The following RALB variants were observed in gnomAD, a reference collection of about 807,000 sequenced individuals.
The protein encoded by RALB is ras-related protein Ral-B.
In RALB, 16 loss-of-function variants were observed where a neutral mutation model predicts 21.3. The observed-to-expected ratio is 0.75, with a 90% confidence interval of 0.51 to 1.14. RALB has a LOEUF of 1.14. Ranked by LOEUF, RALB falls within the 50% of genes most tolerant of loss-of-function variation. RALB has a pLI of 0.00. For missense variants in RALB, 161 were observed against 256.2 expected (o/e 0.63, Z 2.54); for synonymous variants, 93 against 96.1 (o/e 0.97, Z 0.19).
intron 4 of RALB, among the ~76,000 whole-genome samples, chr2:120,290,873 T>C (rs1297451283): frequency 2.0e-5 from 3 of 152,230 alleles, no homozygotes; most frequent in Non-Finnish European, 4.4e-5. Flanking sequence ...CCTCATTCAC[T>C]AGCTCTCACT....
chr2:120,285,526 A>G (rs1378005734), intron 2 of RALB, among the ~76,000 whole-genome samples: 1 of 152,150 alleles, frequency 6.6e-6, no homozygotes. Context: ...ATGTGTAACA[A>G]ACCTGCACAT....
Position 120,285,908 on chromosome 2 carries a change from G to A in RALB, c.149G>A (p.Ser50Asn), listed in dbSNP as rs1690121925. ...GACTATGAACCTACCAAAGCTGACA[G>A]TTATAGAAAGAAAGTGGTTCTTGAT... ...VEDYEPTKAD[S>N]YRKKVVLDGE... is the part of the protein sequence containing the mutation. Residue 50 changes from serine to asparagine, a missense_variant, in exon 3 of 5, where the codon AGT becomes AAT. Physicochemically the swap from Ser to Asn is conservative, Grantham distance 46. Coordinates refer to ENST00000272519, the MANE Select transcript of RALB (RefSeq NM_002881.3). 6.2e-7 allele frequency: 1 copy of A among 1,613,900 alleles called. No individual in the cohort carries two copies. Among genetic ancestry groups the A allele is most frequent in the South Asian group, 1.1e-5 (1 of 91,072 alleles).
chr2:120,294,136 A>G lies in RALB; in HGVS notation c.*876A>G, dbSNP rs534087607. ...AGTGGTGAATGCATGTGTCTGTCTG[A>G]TCAGCATCACTGCACACGGAGGTCT... On this transcript the variant is annotated 3_prime_UTR_variant, in exon 5 of 5. Coordinates refer to ENST00000272519, the MANE Select transcript of RALB (RefSeq NM_002881.3). 1.8e-5 allele frequency: 7 copies of G among 398,570 alleles called. No individual in the cohort carries two copies. The South Asian group carries it at 8.9e-4, about 51-fold the overall frequency. 24.7% of individuals were successfully genotyped at this position (398,570 alleles called of 1,614,324 possible). A position where few individuals can be genotyped will look rare whatever the true frequency, so the allele number is the denominator to read the frequency against.
At chr2:120,292,776 AC>A (rs978030086) in intron 4 of RALB, among the ~76,000 whole-genome samples, 15 of 150,400 alleles carry the variant, frequency 1.0e-4, no homozygotes, top group African/African-American at 3.2e-4. Flanking sequence ...ATATGGGGAG[AC>A]CCTGTCTGAA....
In RALB at chr2:120,286,021, G is replaced by A. The variant is rs1690124686; in HGVS notation, c.262G>A (p.Gly88Arg). The A allele has an allele frequency of 6.2e-7, 1 of 1,614,042 alleles. No individual in the cohort carries two copies. The highest frequency in any genetic ancestry group is 8.5e-7 in the Non-Finnish European group (1 of 1,180,004). The stretch of plus-strand genomic sequence containing the variant: ...AGATAACTACTTTCGGAGTGGGGAA[G>A]GGTTTCTTCTTGTGTTCTCAATCAC... ...IRDNYFRSGE[G>R]FLLVFSITEH... The change falls in exon 3 of 5, where the codon GGG becomes AGG. Residue 88 changes from glycine (G) to arginine (R), a missense_variant. Physicochemically the swap from Gly to Arg is moderately radical, Grantham distance 125. Transcript: ENST00000272519.
At chr2:120,277,831 ATG>A (rs5833829) in intron 1 of RALB, among the ~76,000 whole-genome samples, 67,255 of 138,214 alleles carry the variant, frequency 0.49, 16,293 homozygotes, top group Middle Eastern at 0.66. Context: ...GTGTGTGAAT[ATG>A]TGTGTTTGAA....
At chr2:120,258,880 T>C (rs1457027291) in intron 1 of RALB, among the ~76,000 whole-genome samples, 1 of 152,178 alleles carries the variant, frequency 6.6e-6, no homozygotes, top group African/African-American at 2.4e-5. Flanking sequence ...CGGTGAGTGT[T>C]ACAGCTCTTA....
intron 1 of RALB, among the ~76,000 whole-genome samples, chr2:120,241,340 A>G (rs1357331775): frequency 1.3e-5 from 2 of 152,204 alleles, no homozygotes; most frequent in East Asian, 1.9e-4. Context: ...GTGAAGATCC[A>G]TGGAGTGCCT....
intron 4 of RALB, among the ~76,000 whole-genome samples, chr2:120,292,676 C>A (rs376186043): frequency 6.6e-6 from 1 of 152,008 alleles, no homozygotes; most frequent in Non-Finnish European, 1.5e-5. Flanking sequence ...GCTGTTAGGC[C>A]GGGTGCAGTG....
At chr2:120,269,446 T>G (rs894783126) in intron 1 of RALB, among the ~76,000 whole-genome samples, 2 of 152,048 alleles carry the variant, frequency 1.3e-5, no homozygotes, top group African/African-American at 2.4e-5. Context: ...GGTGGCCAGT[T>G]TTTATTCCCT....
intron 1 of RALB, among the ~76,000 whole-genome samples, chr2:120,257,666 C>T (rs1689232795): frequency 6.6e-6 from 1 of 152,228 alleles, no homozygotes; most frequent in Non-Finnish European, 1.5e-5. Context: ...CACTGTTAGG[C>T]AGAGTTGAAA....
intron 1 of RALB, among the ~76,000 whole-genome samples, chr2:120,276,152 G>C (rs1689787709): frequency 6.6e-6 from 1 of 152,226 alleles, no homozygotes; most frequent in African/African-American, 2.4e-5. Context: ...GAACCACCAT[G>C]GTGGACCTGC....
chr2:120,248,050 G>T (rs953786840), upstream of RALB, among the ~76,000 whole-genome samples: 1 of 152,212 alleles, frequency 6.6e-6, no homozygotes, highest in African/African-American at 2.4e-5. Flanking sequence ...TCTGGGCAGT[G>T]AGGGGTGGTG....
At chr2:120,273,356 G>C (rs567793939) in intron 1 of RALB, among the ~76,000 whole-genome samples, 7 of 152,176 alleles carry the variant, frequency 4.6e-5, no homozygotes, top group African/African-American at 1.7e-4. Flanking sequence ...TCCATGTGGG[G>C]TCAGTCTGAA....
At chr2:120,264,147 CTATT>C (rs1167060142) in intron 1 of RALB, among the ~76,000 whole-genome samples, 8 of 149,862 alleles carry the variant, frequency 5.3e-5, no homozygotes, top group Admixed American at 4.7e-4. Context: ...CTGCGCTAGC[CTATT>C]TATTTATTTA....
rs925765331 is a variant in RALB, at chr2:120,294,019, C to T, written c.*759C>T. Reference sequence around the variant, plus strand: ...CAGGAATGGTGTGCATTATAAATGACACACATTGCCACTTGTGTAGATATT... The same window carrying T: ...CAGGAATGGTGTGCATTATAAATGATACACATTGCCACTTGTGTAGATATT... On this transcript the variant is annotated 3_prime_UTR_variant, in exon 5 of 5. Coordinates refer to ENST00000272519, the MANE Select transcript of RALB (RefSeq NM_002881.3). The T allele has an allele frequency of 2.5e-6, 1 of 397,350 alleles. No individual in the cohort carries two copies. Among genetic ancestry groups the T allele is most frequent in the Non-Finnish European group, 4.4e-6 (1 of 225,824 alleles). 24.6% of individuals were successfully genotyped at this position (397,350 alleles called of 1,614,324 possible).
chr2:120,273,315 C>T (rs914771304), intron 1 of RALB, among the ~76,000 whole-genome samples: 7 of 152,040 alleles, frequency 4.6e-5, no homozygotes, highest in African/African-American at 1.2e-4. Flanking sequence ...TGGATGGTGG[C>T]GAGGAACCAC....
Position 120,285,989 on chromosome 2 carries a change from C to T in RALB, c.230C>T (p.Ala77Val). The change falls in exon 3 of 5, where the codon GCC becomes GTC. Residue 77 changes from alanine to valine, a missense_variant. Coordinates refer to ENST00000272519, the MANE Select transcript of RALB (RefSeq NM_002881.3). ...ACCGCTGGGCAAGAGGACTACGCAGCCATTCGAGATAACTACTTTCGGAGT... is the reference window on the plus strand; with the variant it reads ...ACCGCTGGGCAAGAGGACTACGCAGTCATTCGAGATAACTACTTTCGGAGT... ...LDTAGQEDYAAIRDNYFRSGE... is the reference protein window; with the variant it reads ...LDTAGQEDYAVIRDNYFRSGE... 6.2e-7 allele frequency: 1 copy of T among 1,614,056 alleles called. No individual in the cohort carries two copies. Among genetic ancestry groups the T allele is most frequent in the East Asian group, 2.2e-5 (1 of 44,890 alleles).
In RALB at chr2:120,278,661, C is replaced by A. The variant is rs760462423; in HGVS notation, c.-4C>A. On this transcript the variant is annotated 5_prime_UTR_variant, in exon 2 of 5. Coordinates refer to ENST00000272519, the MANE Select transcript of RALB (RefSeq NM_002881.3). ...GTGTGTCACAGCCTCAGAAGACCAG[C>A]GAGATGGCTGCCAACAAGAGTAAGG... The A allele has an allele frequency of 4.4e-6, 7 of 1,591,310 alleles. No individual in the cohort carries two copies. The highest frequency in any genetic ancestry group is 4.6e-5 in the East Asian group (2 of 43,368).
Sources: gnomAD v4.1 joint callset for allele counts (sites outside exome capture counted in the v4.1 genomes callset) on GRCh38, gnomAD v4.1.1 for gene constraint, MANE v1.5 for transcripts, NCBI Gene and HGNC (gene_info 2026-07-23, HGNC 2026-07-21) for gene names.